Variants in SGMS2 observed in about 807,000 individuals in gnomAD.
SGMS2 encodes phosphatidylcholine:ceramide cholinephosphotransferase 2.
In SGMS2, 21 loss-of-function variants were observed where a neutral mutation model predicts 43.8. The ratio of observed to expected loss-of-function variants is 0.48; its 90% CI spans 0.34 to 0.69. SGMS2 has a LOEUF of 0.69. SGMS2 is among the 30% of genes least tolerant of loss of function. SGMS2 has a pLI of 0.01. For missense variants in SGMS2, 384 were observed against 443.2 expected (o/e 0.87, Z 1.20); for synonymous variants, 167 against 160.6 (o/e 1.04, Z -0.30).
intron 2 of SGMS2, among the ~76,000 whole-genome samples, chr4:107,890,835 C>A (rs1448085867): frequency 6.6e-6 from 1 of 152,088 alleles, no homozygotes; most frequent in Admixed American, 6.6e-5. Context: ...AAAAACAACT[C>A]TTTAAATCTC....
At chr4:107,865,843 A>G (rs577464112) in intron 2 of SGMS2, among the ~76,000 whole-genome samples, 4 of 152,318 alleles carry the variant, frequency 2.6e-5, no homozygotes, top group Admixed American at 2.0e-4. Flanking sequence ...AGATGCCTTA[A>G]GTAGTGACTA....
chr4:107,908,483 A>G (rs1731802220), intron 5 of SGMS2, 82 bp from the exon 6 acceptor site: 5 of 1,370,310 alleles, frequency 3.6e-6, no homozygotes, highest in Non-Finnish European at 2.0e-6. Flanking sequence ...GGGTTATTCT[A>G]CTTAAGGTCG....
chr4:107,832,677 C>T (rs935525584), intron 1 of SGMS2, among the ~76,000 whole-genome samples: 9 of 152,162 alleles, frequency 5.9e-5, no homozygotes, highest in Non-Finnish European at 1.5e-5. Context: ...TGATCAACTC[C>T]TTGGTTTACC....
chr4:107,875,849 T>C (rs1728876579), intron 2 of SGMS2, among the ~76,000 whole-genome samples: 1 of 152,144 alleles, frequency 6.6e-6, no homozygotes, highest in South Asian at 2.1e-4. Flanking sequence ...CCTTTCTCTA[T>C]TTTTTCCTTT....
intron 1 of SGMS2, among the ~76,000 whole-genome samples, chr4:107,827,289 G>A (rs1360465128): frequency 2.0e-5 from 3 of 152,174 alleles, no homozygotes; most frequent in South Asian, 4.1e-4. Context: ...CGTTTAGTAT[G>A]CAACAACTAC....
intron 1 of SGMS2, among the ~76,000 whole-genome samples, chr4:107,850,531 C>T (rs1303320087): frequency 6.6e-6 from 1 of 152,146 alleles, no homozygotes; most frequent in East Asian, 1.9e-4. Flanking sequence ...TAAACCCCAT[C>T]CTTCTCTTGA....
intron 1 of SGMS2, among the ~76,000 whole-genome samples, chr4:107,830,965 G>A (rs972504352): frequency 6.6e-6 from 1 of 152,164 alleles, no homozygotes; most frequent in African/African-American, 2.4e-5. Flanking sequence ...GATACTATAA[G>A]TACTAGTGAA....
chr4:107,824,676 C>G (rs1214443261), upstream of SGMS2: 1 of 152,188 alleles, frequency 6.6e-6, no homozygotes, highest in African/African-American at 2.4e-5. Context: ...TAAACAGCCG[C>G]GAGGGGAGAG....
chr4:107,908,827 C>T (rs1310644517), intron 6 of SGMS2, 96 bp downstream of exon 6: 41 of 1,067,526 alleles, frequency 3.8e-5, no homozygotes, highest in Non-Finnish European at 3.5e-5. Flanking sequence ...TGGGGATAAC[C>T]GATGTTGCCA....
rs768306630 is a variant in SGMS2 at position 107,895,563 on chromosome 4, A to G, written c.10A>G (p.Ile4Val). The G allele has an allele frequency of 1.2e-6, 2 of 1,613,436 alleles. No individual in the cohort carries two copies. The highest frequency in any genetic ancestry group is 2.2e-5 in the South Asian group (2 of 91,026). Residue 4 changes from isoleucine (I) to valine (V), a missense_variant, in exon 3 of 7, where the codon ATA becomes GTA. Physicochemically the swap from Ile to Val is conservative, Grantham distance 29. Transcript: ENST00000690982. ...TGAAGACTAGGGGACAATGGATATC[A>G]TAGAGACAGCAAAACTTGAAGAACA... MDI[I>V]ETAKLEEHLE...
At chr4:107,883,121 C>G (rs1028523977) in intron 2 of SGMS2, among the ~76,000 whole-genome samples, 2 of 152,132 alleles carry the variant, frequency 1.3e-5, no homozygotes, top group African/African-American at 4.8e-5. Flanking sequence ...CTACTGGAAC[C>G]CATGTCTATG....
chr4:107,908,849 A>C (rs1291528883), intron 6 of SGMS2, 118 bp downstream of exon 6: 18 of 817,300 alleles, frequency 2.2e-5, no homozygotes, highest in Non-Finnish European at 3.3e-5. Context: ...ATTCACTTAA[A>C]CATATATCCA....
In SGMS2 at chr4:107,895,812, GT is replaced by G. The variant is rs751051056; in HGVS notation, c.263del (p.Phe88SerfsTer5). The G allele has an allele frequency of 1.9e-6, 3 of 1,613,960 alleles. No homozygotes were observed. The highest frequency in any genetic ancestry group is 2.5e-6 in the Non-Finnish European group (3 of 1,179,934). The stretch of plus-strand genomic sequence containing the variant: ...AACGGGCATTGCCTTCATATATGCA[GT>G]TTTCAACCTCGTCTTGACAACCGTC... ...WKTGIAFIYA[V>X]FNLVLTTVMI... is the part of the protein sequence containing the mutation. On this transcript the variant is annotated frameshift_variant, in exon 3 of 7. Transcript: ENST00000690982. LOFTEE classifies it high-confidence loss of function.
chr4:107,903,420 C>G, intron 5 of SGMS2, 34 bp downstream of exon 5: 1 of 1,604,230 alleles, frequency 6.2e-7, no homozygotes, highest in Non-Finnish European at 8.5e-7. Context: ...GAACTGATAG[C>G]TGTAGTGGGA....
intron 1 of SGMS2, among the ~76,000 whole-genome samples, chr4:107,847,195 A>G (rs1253145623): frequency 3.9e-5 from 6 of 151,948 alleles, no homozygotes; most frequent in Non-Finnish European, 7.4e-5. Flanking sequence ...GCCCATGCCT[A>G]TGTCCTGAAT....
chr4:107,908,346 G>A (rs1358260746), intron 5 of SGMS2: 3 of 492,496 alleles, frequency 6.1e-6, no homozygotes, highest in African/African-American at 5.8e-5. Flanking sequence ...AGCTTCCCCA[G>A]TGAATGACTA....
intron 2 of SGMS2, among the ~76,000 whole-genome samples, chr4:107,864,685 T>C (rs965372205): frequency 2.0e-5 from 3 of 152,198 alleles, no homozygotes; most frequent in African/African-American, 4.8e-5. Context: ...ATTGCCAAAA[T>C]AATGGCCTAG....
Position 107,914,290 on chromosome 4 carries a change from G to A in SGMS2, c.*3737G>A, listed in dbSNP as rs1732317154. 1 of 151,998 alleles carries A rather than the reference G, an allele frequency of 6.6e-6. No homozygotes were observed. The highest frequency in any genetic ancestry group is 2.1e-4 in the South Asian group (1 of 4,820). 9.4% of individuals were successfully genotyped at this position (151,998 alleles called of 1,614,324 possible). A position where few individuals can be genotyped will look rare whatever the true frequency, so the allele number is the denominator to read the frequency against. ...TTTATTTTCTTACTCATTATGCTGT[G>A]TTCTAAATAAATCATGAATGAGAAG... On this transcript the variant is annotated 3_prime_UTR_variant, in exon 7 of 7. Coordinates refer to ENST00000690982, the MANE Select transcript of SGMS2 (RefSeq NM_001375905.1).
In SGMS2 at chr4:107,908,691, C is replaced by T; in HGVS notation, c.854C>T (p.Thr285Ile). 1 of 1,613,944 alleles carries T rather than the reference C, an allele frequency of 6.2e-7. No homozygotes were observed. The highest frequency in any genetic ancestry group is 8.5e-7 in the Non-Finnish European group (1 of 1,179,934). ...IDVIIAYYIT[T>I]RLFWWYHSMA... ...GTGATCATTGCTTATTATATCACAA[C>T]ACGACTGTTTTGGTGGTACCATTCA... Residue 285 changes from threonine (T) to isoleucine (I), a missense_variant, in exon 6 of 7, where the codon ACA becomes ATA. Coordinates refer to ENST00000690982, the MANE Select transcript of SGMS2 (RefSeq NM_001375905.1).
Sources: gnomAD v4.1 joint callset for allele counts (sites outside exome capture counted in the v4.1 genomes callset) on GRCh38, gnomAD v4.1.1 for gene constraint, MANE v1.5 for transcripts, NCBI Gene and HGNC (gene_info 2026-07-23, HGNC 2026-07-21) for gene names.